DLGAP2: variants seen among roughly 807,000 people sequenced by gnomAD.
DLGAP2 encodes the protein disks large-associated protein 2.
In DLGAP2, 26 loss-of-function variants were observed where a neutral mutation model predicts 100.3. The ratio of observed to expected loss-of-function variants is 0.26; its 90% CI spans 0.19 to 0.36. The LOEUF (loss-of-function observed/expected upper bound fraction) is 0.36, where lower values mean the gene tolerates loss of function less well. Ranked by LOEUF, DLGAP2 falls within the 10% of genes least tolerant of loss-of-function variation. The pLI is 1.00. For synonymous variants in DLGAP2, 886 were observed against 630.1 expected (o/e 1.41, Z -6.08); for missense variants, 1,858 against 1,453.2 (o/e 1.28, Z -4.53).
At position 1,422,207 on chromosome 8, in the gene DLGAP2, A is replaced by C. The variant is rs139622268; in HGVS notation, c.107-79159A>C. 1.0e-3 allele frequency among the ~76,000 whole-genome samples: 156 copies of C among 152,332 alleles called. No individual in the cohort carries two copies. The East Asian group carries it at 0.016, about 16-fold the overall frequency. ...CTTATGGCCGCTAGGAGAGAAAGAC[A>C]CAGACCCTCCTGAAGGGTATTTTTT... is the stretch of plus-strand genomic sequence containing the variant. On this transcript the variant is annotated intron_variant, in intron 3 of 14. Transcript: ENST00000637795.
chr8:1,274,547 G>C (rs1055151562), intron 3 of DLGAP2, among the ~76,000 whole-genome samples: 3 of 150,414 alleles, frequency 2.0e-5, no homozygotes, highest in African/African-American at 7.3e-5. Context: ...CTTTGGATTT[G>C]TTTTAGAACA....
chr8:1,697,058 T>G, intron 13 of DLGAP2, 89 bp from the exon 14 acceptor site: 2 of 1,347,438 alleles, frequency 1.5e-6, no homozygotes, highest in South Asian at 3.6e-5. Flanking sequence ...ATCCGCCTCT[T>G]GAAAGGCATG....
In DLGAP2 at chr8:1,290,990, C is replaced by A. The variant is rs368277997; in HGVS notation, c.106+32107C>A. ...CAGCCACAGAACTTTTTCTAGTAGA[C>A]CAGCCCTACAAGTAATACTAAAAGG... is the stretch of plus-strand genomic sequence containing the variant. On this transcript the variant is annotated intron_variant, in intron 3 of 14. Transcript: ENST00000637795. Among the ~76,000 whole-genome samples, 107 of 152,196 alleles carry A rather than the reference C, an allele frequency of 7.0e-4. 1 individual carries two copies. Among genetic ancestry groups the A allele is most frequent in the African/African-American group, 2.4e-3 (99 of 41,534 alleles).
intron 3 of DLGAP2, among the ~76,000 whole-genome samples, chr8:1,459,159 C>A (rs563653991): frequency 3.7e-4 from 53 of 143,604 alleles, no homozygotes; most frequent in African/African-American, 1.3e-3. Flanking sequence ...GACCAGCGTG[C>A]GTCCCAGACA....
chr8:1,380,143 C>G (rs1796058446), intron 3 of DLGAP2: 1 of 152,092 alleles, frequency 6.6e-6, no homozygotes, highest in Admixed American at 6.5e-5. Context: ...AACAGTAGTT[C>G]AATAAACACT....
chr8:1,159,408 C>G (rs923559174), intron 2 of DLGAP2, among the ~76,000 whole-genome samples: 1 of 152,206 alleles, frequency 6.6e-6, no homozygotes, highest in Non-Finnish European at 1.5e-5. Flanking sequence ...ATCAAAAATG[C>G]ATCTCAGAGC....
At chr8:950,798 AT>A (rs553266592) in intron 2 of DLGAP2, among the ~76,000 whole-genome samples, 2 of 150,110 alleles carry the variant, frequency 1.3e-5, no homozygotes, top group African/African-American at 4.9e-5. Context: ...ATTTTTTTGT[AT>A]TTTTTTAGTA....
intron 2 of DLGAP2, among the ~76,000 whole-genome samples, chr8:1,184,947 G>C (rs1199559596): frequency 6.6e-6 from 1 of 152,204 alleles, no homozygotes; most frequent in Non-Finnish European, 1.5e-5. Flanking sequence ...AGAAGAGGCA[G>C]ATTTCAGACC....
chr8:1,392,402 G>T (rs1412313892), intron 3 of DLGAP2, among the ~76,000 whole-genome samples: 1 of 152,170 alleles, frequency 6.6e-6, no homozygotes, highest in Admixed American at 6.5e-5. Flanking sequence ...GGCACTCGGG[G>T]AAAACCTGTG....
chr8:1,308,308 G>T (rs1800538469), intron 3 of DLGAP2, among the ~76,000 whole-genome samples: 1 of 152,134 alleles, frequency 6.6e-6, no homozygotes, highest in African/African-American at 2.4e-5. Context: ...TCCAGTGACT[G>T]CACACGGCAA....
chr8:1,551,875 C>G (rs1228319390), intron 5 of DLGAP2, among the ~76,000 whole-genome samples: 1 of 152,214 alleles, frequency 6.6e-6, no homozygotes, highest in Non-Finnish European at 1.5e-5. Context: ...TGAGGGCTCA[C>G]TGTCTCTTGT....
At chr8:774,545 C>T (rs1304595132) in intron 1 of DLGAP2, among the ~76,000 whole-genome samples, 7 of 149,872 alleles carry the variant, frequency 4.7e-5, no homozygotes, top group Admixed American at 4.6e-4. Context: ...AGGAAGGGAT[C>T]CAGTTTCAGC....
rs572411000 is a variant in DLGAP2, at chr8:1,512,850, C to G, written c.172+11419C>G. 6.6e-5 allele frequency among the ~76,000 whole-genome samples: 10 copies of G among 152,344 alleles called. No individual in the cohort carries two copies. In the South Asian group the frequency reaches 2.1e-3, roughly 32 times the overall value. ...CACTCTAGGTTTCTAATTTGTCTTCCGAATGACCCTGATCCTGGAAAGTGA... is the reference window on the plus strand; with the variant it reads ...CACTCTAGGTTTCTAATTTGTCTTCGGAATGACCCTGATCCTGGAAAGTGA... On this transcript the variant is annotated intron_variant, in intron 4 of 14. Coordinates refer to ENST00000637795, the MANE Select transcript of DLGAP2 (RefSeq NM_001346810.2).
chr8:1,647,601 A>C (rs147621696), intron 8 of DLGAP2, among the ~76,000 whole-genome samples: 1 of 152,136 alleles, frequency 6.6e-6, no homozygotes, highest in East Asian at 1.9e-4. Context: ...AGACAGCAGA[A>C]CACATTCCTA....
At chr8:1,046,491 A>T (rs1385920374) in intron 2 of DLGAP2, among the ~76,000 whole-genome samples, 2 of 152,180 alleles carry the variant, frequency 1.3e-5, no homozygotes, top group African/African-American at 4.8e-5. Context: ...CTGCTGGAAT[A>T]AAAAGAGATA....
At chr8:783,732 G>A (rs79426343) in intron 1 of DLGAP2, among the ~76,000 whole-genome samples, 131 of 152,296 alleles carry the variant, frequency 8.6e-4, no homozygotes, top group Non-Finnish European at 1.6e-3. Flanking sequence ...TTATGAAAGA[G>A]GGAAAAGGTG....
intron 3 of DLGAP2, among the ~76,000 whole-genome samples, chr8:1,282,525 C>T (rs1799838230): frequency 7.7e-6 from 1 of 129,524 alleles, no homozygotes; most frequent in African/African-American, 2.9e-5. Flanking sequence ...GTGACCTGAA[C>T]CCAGCACCCT....
intron 1 of DLGAP2, among the ~76,000 whole-genome samples, chr8:801,595 T>A (rs1178544815): frequency 6.6e-6 from 1 of 152,180 alleles, no homozygotes; most frequent in Non-Finnish European, 1.5e-5. Flanking sequence ...GTGTGGCCAG[T>A]GGGCTTGTGG....
At chr8:1,167,188 C>T (rs1585116624) in intron 2 of DLGAP2, among the ~76,000 whole-genome samples, 1 of 151,948 alleles carries the variant, frequency 6.6e-6, no homozygotes. Flanking sequence ...ACTTACATGA[C>T]CGAAAAAGTT....
Sources: allele counts gnomAD v4.1 joint callset (sites outside exome capture counted in the v4.1 genomes callset), GRCh38; gene constraint gnomAD v4.1.1; transcripts MANE v1.5; gene names NCBI Gene and HGNC (gene_info 2026-07-23, HGNC 2026-07-21).